Variants in FAF1 observed in about 807,000 individuals in gnomAD.
The protein encoded by FAF1 is FAS-associated factor 1.
Under a neutral mutation model 92.5 loss-of-function variants are expected in FAF1, and 25 were observed. That is an observed-to-expected ratio of 0.27 (90% CI 0.20 to 0.38). The LOEUF (loss-of-function observed/expected upper bound fraction) is 0.38. Ranked by LOEUF, FAF1 falls within the 10% of genes least tolerant of loss-of-function variation. The pLI is 1.00. For synonymous variants in FAF1, 234 were observed against 273.2 expected, an observed-to-expected ratio of 0.86 and a Z score of 1.42; for missense variants, 636 against 793.3, an observed-to-expected ratio of 0.80 and a Z score of 2.38.
In FAF1 at chr1:50,475,625, C is replaced by G. The variant is rs1646629513; in HGVS notation, c.1708G>C (p.Ala570Pro). ...ATCCGCAGTTTGCTCACAGGCTCAG[C>G]ATTTTCTTCCTTTGGCTCAGGAGGC... ...ALPPEPKEEN[A>P]EPVSKLRIRT... is the part of the protein sequence containing the mutation. The change falls in exon 18 of 19, where the codon GCT (alanine) becomes CCT (proline). Residue 570 changes from alanine to proline, a missense_variant. Transcript: ENST00000396153. 6.2e-7 allele frequency: 1 copy of G among 1,613,980 alleles called. No homozygotes were observed. Among genetic ancestry groups the G allele is most frequent in the Non-Finnish European group, 8.5e-7 (1 of 1,179,988 alleles).
intron 13 of FAF1, among the ~76,000 whole-genome samples, chr1:50,539,976 T>C (rs1648683915): frequency 6.6e-6 from 1 of 152,038 alleles, no homozygotes; most frequent in Non-Finnish European, 1.5e-5. Context: ...ATTCTTTTCT[T>C]AGTCTTTTTT....
intron 1 of FAF1, among the ~76,000 whole-genome samples, chr1:50,912,114 GACA>G (rs1300905848): frequency 2.6e-5 from 4 of 152,100 alleles, no homozygotes; most frequent in Middle Eastern, 3.4e-3. Flanking sequence ...CTTCAATGGT[GACA>G]ACAACATCAT....
intron 13 of FAF1, 90 bp from the exon 14 acceptor site, chr1:50,539,818 T>C: frequency 2.2e-6 from 2 of 901,176 alleles, no homozygotes; most frequent in Non-Finnish European, 3.4e-6. Context: ...TGTTATTAGT[T>C]ATGTTAAATT....
At chr1:50,487,014 G>C (rs1646777147) in intron 17 of FAF1, among the ~76,000 whole-genome samples, 1 of 152,096 alleles carries the variant, frequency 6.6e-6, no homozygotes, top group Non-Finnish European at 1.5e-5. Flanking sequence ...TTGTACTTTA[G>C]CCTTATGATT....
intron 1 of FAF1, among the ~76,000 whole-genome samples, chr1:50,908,740 C>T (rs959606600): frequency 3.3e-5 from 5 of 152,068 alleles, no homozygotes; most frequent in Admixed American, 6.6e-5. Context: ...AATATCCCTC[C>T]GTCCCTTTAT....
intron 7 of FAF1, among the ~76,000 whole-genome samples, chr1:50,680,457 C>G (rs976190994): frequency 1.3e-5 from 2 of 152,000 alleles, no homozygotes; most frequent in Non-Finnish European, 2.9e-5. Flanking sequence ...CCGAGGCAGG[C>G]AGATCACCTG....
In FAF1 at chr1:50,788,190, C is replaced by A. The variant is rs780832860; in HGVS notation, c.177G>T (p.Glu59Asp). Residue 59 changes from glutamate to aspartate, a missense_variant, in exon 4 of 19, where the codon GAG becomes GAT. This residue lies in a region of FAF1 where 317 missense variants were observed against 342.4 expected (regional missense o/e 0.93). Transcript: ENST00000396153. ...NGILQSEYGG[E>D]TIPGPAFNPA... is the part of the protein sequence containing the mutation. ...GATTAAATGCAGGTCCTGGTATGGT[C>A]TCACCTCCATATTCACTAAAATGTT... 16 of 1,613,444 alleles carry A rather than the reference C, an allele frequency of 9.9e-6. No homozygotes were observed. Among genetic ancestry groups the A allele is most frequent in the Non-Finnish European group, 1.3e-5 (15 of 1,179,564 alleles).
At chr1:50,616,226 T>C (rs578188799) in intron 8 of FAF1, among the ~76,000 whole-genome samples, 1 of 152,344 alleles carries the variant, frequency 6.6e-6, no homozygotes, top group South Asian at 2.1e-4. Context: ...TCTGTTTTTG[T>C]ATCAATACCA....
intron 8 of FAF1, among the ~76,000 whole-genome samples, chr1:50,634,676 G>T (rs1163136786): frequency 2.0e-5 from 3 of 152,184 alleles, no homozygotes; most frequent in African/African-American, 7.2e-5. Flanking sequence ...ATATGTATTA[G>T]AATACTGGGC....
chr1:50,924,077 C>G (rs1644986069), intron 1 of FAF1, among the ~76,000 whole-genome samples: 1 of 152,064 alleles, frequency 6.6e-6, no homozygotes, highest in Non-Finnish European at 1.5e-5. Flanking sequence ...AGCAACCAGA[C>G]AAGAGGAAGA....
intron 4 of FAF1, among the ~76,000 whole-genome samples, chr1:50,785,371 A>G (rs1227597830): frequency 2.6e-5 from 4 of 152,026 alleles, no homozygotes; most frequent in African/African-American, 9.7e-5. Flanking sequence ...ACATGTGTGA[A>G]CCATATATCT....
chr1:50,790,220 C>T (rs1426827034), intron 3 of FAF1, among the ~76,000 whole-genome samples: 1 of 152,104 alleles, frequency 6.6e-6, no homozygotes, highest in Non-Finnish European at 1.5e-5. Context: ...TGGCTCACTG[C>T]AGCCTCCACC....
rs1355905487 is a variant in FAF1 at position 50,858,006 on chromosome 1, A to G, written c.46-9T>C. ...TCAATGCCAGTACATGCCTGGAAAG[A>G]AAGTAAATAAGCATTTTACATATAA... is the stretch of plus-strand genomic sequence containing the variant. On this transcript the variant is annotated splice_polypyrimidine_tract_variant and intron_variant, in intron 1 of 18. Transcript: ENST00000396153. 4 of 1,579,048 alleles carry G rather than the reference A, an allele frequency of 2.5e-6. No individual in the cohort carries two copies. The South Asian group carries it at 3.5e-5, about 14-fold the overall frequency.
At chr1:50,900,521 C>T (rs561845316) in intron 1 of FAF1, among the ~76,000 whole-genome samples, 1 of 152,140 alleles carries the variant, frequency 6.6e-6, no homozygotes, top group Admixed American at 6.5e-5. Flanking sequence ...GGAGTCAGAC[C>T]AGTCTGACTC....
chr1:50,663,812 C>A (rs1342861984), intron 7 of FAF1, among the ~76,000 whole-genome samples: 1 of 151,382 alleles, frequency 6.6e-6, no homozygotes, highest in East Asian at 1.9e-4. Context: ...GGTGGCCAGT[C>A]ACTTTTGAGA....
intron 7 of FAF1, among the ~76,000 whole-genome samples, chr1:50,672,138 C>G (rs895444336): frequency 2.0e-5 from 3 of 151,952 alleles, no homozygotes; most frequent in Admixed American, 1.3e-4. Context: ...CTCTGCCTCC[C>G]CGGTTCAAGG....
chr1:50,803,372 C>T (rs994930923), intron 2 of FAF1, among the ~76,000 whole-genome samples: 3 of 152,172 alleles, frequency 2.0e-5, no homozygotes, highest in African/African-American at 7.2e-5. Context: ...AGTCTAAAGT[C>T]TGAAACCAGG....
In FAF1 at chr1:50,439,325, A is replaced by G. The variant is rs1262148912; in HGVS notation, c.*2115T>C. ...ACCATCATGTCCTGAGTGAACAGTG[A>G]CAATTAGCTGAGGCCTTTCCCAGTT... On this transcript the variant is annotated 3_prime_UTR_variant, in exon 19 of 19. Coordinates refer to ENST00000396153, the MANE Select transcript of FAF1 (RefSeq NM_007051.3). 9 of 152,238 alleles carry G rather than the reference A, an allele frequency of 5.9e-5. No individual in the cohort carries two copies. The highest frequency in any genetic ancestry group is 2.2e-4 in the African/African-American group (9 of 41,452). 9.4% of individuals were successfully genotyped at this position (152,238 alleles called of 1,614,324 possible).
At chr1:50,827,665 C>T (rs1321590977) in intron 2 of FAF1, among the ~76,000 whole-genome samples, 1 of 151,122 alleles carries the variant, frequency 6.6e-6, no homozygotes, top group Non-Finnish European at 1.5e-5. Flanking sequence ...TAAATAAATT[C>T]CAGACACAGC....
Sources: gnomAD v4.1 joint callset for allele counts (sites outside exome capture counted in the v4.1 genomes callset) on GRCh38, gnomAD v4.1.1 for gene constraint, gnomAD v4.1.1 regional missense constraint, MANE v1.5 for transcripts, NCBI Gene and HGNC (gene_info 2026-07-23, HGNC 2026-07-21) for gene names.